The following EIF4G3 variants were observed in gnomAD, a reference collection of about 807,000 sequenced individuals.
The protein encoded by EIF4G3 is eIF-4-gamma 3.
EIF4G3 carries 34 observed loss-of-function variants against 186.4 expected under a neutral mutation model. That is an observed-to-expected ratio of 0.18 (90% CI 0.14 to 0.24). The LOEUF (loss-of-function observed/expected upper bound fraction) is 0.24. Ranked by LOEUF, EIF4G3 falls within the 10% of genes least tolerant of loss-of-function variation. The pLI is 1.00. For synonymous variants in EIF4G3, 673 were observed against 679.5 expected (o/e 0.99, Z 0.15); for missense variants, 1,536 against 1,948.5 (o/e 0.79, Z 3.99).
intron 14 of EIF4G3, among the ~76,000 whole-genome samples, chr1:20,913,268 T>C (rs2093457804): frequency 6.6e-6 from 1 of 152,184 alleles, no homozygotes; most frequent in African/African-American, 2.4e-5. Flanking sequence ...ACTTAAATTC[T>C]ATCAAAAACA....
intron 6 of EIF4G3, chr1:20,999,678 A>G (rs971910411): frequency 7.0e-6 from 3 of 428,008 alleles, no homozygotes; most frequent in East Asian, 1.4e-4. Flanking sequence ...TTAGTAGGAA[A>G]GTGCCCTAGG....
intron 2 of EIF4G3, among the ~76,000 whole-genome samples, chr1:21,098,646 T>A (rs2101722049): frequency 6.6e-6 from 1 of 151,706 alleles, no homozygotes; most frequent in Admixed American, 6.6e-5. Flanking sequence ...TGGGCAAAAG[T>A]TTGCTGTGGT....
At chr1:21,029,507 C>T (rs754521749) in intron 4 of EIF4G3, among the ~76,000 whole-genome samples, 32 of 151,818 alleles carry the variant, frequency 2.1e-4, no homozygotes, top group Non-Finnish European at 3.2e-4. Context: ...CAGTGGCTCA[C>T]GCCTGTAATC....
chr1:21,069,672 A>G (rs546951278), intron 3 of EIF4G3, among the ~76,000 whole-genome samples: 43 of 152,286 alleles, frequency 2.8e-4, no homozygotes, highest in Non-Finnish European at 3.2e-4. Flanking sequence ...CTTCAAACAC[A>G]TTTTAGGCTG....
intron 2 of EIF4G3, among the ~76,000 whole-genome samples, chr1:21,098,372 T>G (rs901972434): frequency 1.3e-5 from 2 of 151,180 alleles, no homozygotes; most frequent in African/African-American, 4.9e-5. Flanking sequence ...TGAAACTGCA[T>G]CTCTACTAAA....
chr1:20,851,070 G>A (rs996663067), intron 28 of EIF4G3, among the ~76,000 whole-genome samples, 188 bp downstream of exon 28: 2 of 152,158 alleles, frequency 1.3e-5, no homozygotes, highest in Non-Finnish European at 2.9e-5. Context: ...TTTACAAACT[G>A]TTCAGCTAAG....
chr1:21,046,769 C>T (rs1021344019), intron 4 of EIF4G3, among the ~76,000 whole-genome samples: 5 of 152,176 alleles, frequency 3.3e-5, no homozygotes, highest in Admixed American at 6.5e-5. Flanking sequence ...CTACTTTTAT[C>T]CGAACATCAG....
intron 3 of EIF4G3, among the ~76,000 whole-genome samples, chr1:21,055,383 C>A (rs1208582923): frequency 6.6e-6 from 1 of 151,938 alleles, no homozygotes; most frequent in African/African-American, 2.4e-5. Context: ...AAATTAAATA[C>A]CAAATTTGCC....
At chr1:21,021,049 C>A (rs906461151) in intron 4 of EIF4G3, among the ~76,000 whole-genome samples, 5 of 151,884 alleles carry the variant, frequency 3.3e-5, no homozygotes, top group African/African-American at 4.8e-5. Context: ...AGTGGTGAGA[C>A]CTTTGTTCAC....
At chr1:21,167,113 T>C (rs1174760830) in intron 2 of EIF4G3, among the ~76,000 whole-genome samples, 1 of 152,168 alleles carries the variant, frequency 6.6e-6, no homozygotes, top group African/African-American at 2.4e-5. Flanking sequence ...ATTTCTTACA[T>C]ACTAATTACT....
chr1:20,899,712 A>G lies in EIF4G3; in HGVS notation c.1984T>C (p.Phe662Leu), dbSNP rs145324079. 1.5e-5 allele frequency: 24 copies of G among 1,614,054 alleles called. No individual in the cohort carries two copies. The highest frequency in any genetic ancestry group is 1.9e-5 in the Non-Finnish European group (23 of 1,180,018). Residue 662 changes from phenylalanine (F) to leucine (L), a missense_variant, in exon 16 of 37, where the codon TTT (phenylalanine) becomes CTT (leucine). Transcript: ENST00000602326. Reference protein sequence around the residue: ...STDSSGDGVTFPFKPESWKPT... With the variant: ...STDSSGDGVTLPFKPESWKPT... ...ATAAACTTACCTGGTTTAAATGGAA[A>G]TGTAACCCCATCACCAGAACTATCT...
intron 2 of EIF4G3, among the ~76,000 whole-genome samples, chr1:21,153,102 G>A (rs982944044): frequency 6.6e-6 from 1 of 152,164 alleles, no homozygotes; most frequent in Non-Finnish European, 1.5e-5. Flanking sequence ...CAGGGACAAT[G>A]GCCACTCTTC....
intron 3 of EIF4G3, among the ~76,000 whole-genome samples, chr1:21,055,294 A>T: frequency 6.6e-6 from 1 of 152,284 alleles, no homozygotes; most frequent in East Asian, 1.9e-4. Flanking sequence ...ACAGTGAAAT[A>T]AAGTGAAAAT....
chr1:21,068,852 T>C (rs2095354401), intron 3 of EIF4G3, among the ~76,000 whole-genome samples: 1 of 151,676 alleles, frequency 6.6e-6, no homozygotes. Flanking sequence ...AGATTTCAGA[T>C]TTTGGAACAC....
chr1:20,930,146 AG>A (rs1384355725), intron 14 of EIF4G3, among the ~76,000 whole-genome samples: 1 of 152,210 alleles, frequency 6.6e-6, no homozygotes, highest in Non-Finnish European at 1.5e-5. Context: ...GCCCTCAGCA[AG>A]GTGTAATCTT....
chr1:21,049,451 A>T (rs2094090924), intron 4 of EIF4G3, among the ~76,000 whole-genome samples: 1 of 152,220 alleles, frequency 6.6e-6, no homozygotes, highest in African/African-American at 2.4e-5. Context: ...AACCCAACAC[A>T]GGAACCTCAT....
chr1:21,078,113 G>T (rs2095645552), intron 3 of EIF4G3, among the ~76,000 whole-genome samples: 1 of 152,168 alleles, frequency 6.6e-6, no homozygotes, highest in South Asian at 2.1e-4. Flanking sequence ...ACAGCATTTA[G>T]AATTTATAGC....
chr1:20,920,112 G>C (rs964546985), intron 14 of EIF4G3, among the ~76,000 whole-genome samples: 1 of 151,980 alleles, frequency 6.6e-6, no homozygotes, highest in Non-Finnish European at 1.5e-5. Context: ...CTCCATGTTG[G>C]TCAGGCTGGT....
chr1:20,941,729 T>C lies in EIF4G3; in HGVS notation c.1425A>G (p.Pro475=), dbSNP rs2095722732. Residue 475 remains proline (P), a synonymous_variant, in exon 14 of 37, where the codon CCA becomes CCG. Coordinates refer to ENST00000602326, the MANE Select transcript of EIF4G3 (RefSeq NM_001391906.1). ...STVPSFPPTP[P]TPPASPPHTP... ...TGTGAGGAGGAGAAGCTGGAGGAGT[T>C]GGAGGAGTTGGAGGAAAGGAAGGAA... The C allele has an allele frequency of 1.9e-6, 3 of 1,610,252 alleles. No homozygotes were observed. The highest frequency in any genetic ancestry group is 2.7e-5 in the African/African-American group (2 of 74,738).
Sources: gnomAD v4.1 joint callset for allele counts (sites outside exome capture counted in the v4.1 genomes callset) on GRCh38, gnomAD v4.1.1 for gene constraint, MANE v1.5 for transcripts, NCBI Gene and HGNC (gene_info 2026-07-23, HGNC 2026-07-21) for gene names.